Variants in B3GAT2 observed in about 807,000 individuals in gnomAD.
B3GAT2 encodes the protein galactosylgalactosylxylosylprotein 3-beta-glucuronosyltransferase 2.
Under a neutral mutation model 27.8 loss-of-function variants are expected in B3GAT2, and 26 were observed. The observed-to-expected ratio is 0.93, with a 90% CI of 0.68 to 1.30. B3GAT2 has a LOEUF of 1.30. B3GAT2 is among the 50% of genes most tolerant of loss of function. The pLI, the probability that B3GAT2 is intolerant of heterozygous loss-of-function variation, is 0.00. For missense variants in B3GAT2, 458 were observed against 459.0 expected (o/e 1.00, Z 0.02); for synonymous variants, 218 against 195.1 (o/e 1.12, Z -0.98).
chr6:70,879,189 T>TTTGTTG (rs35729327), intron 2 of B3GAT2, among the ~76,000 whole-genome samples: 7 of 151,748 alleles, frequency 4.6e-5, no homozygotes, highest in South Asian at 2.1e-4. Context: ...TGACTTTGTT[T>TTTGTTG]TTGTTGTTGT....
chr6:70,871,946 C>G (rs911439476), intron 2 of B3GAT2, among the ~76,000 whole-genome samples: 2 of 151,786 alleles, frequency 1.3e-5, no homozygotes, highest in African/African-American at 4.8e-5. Context: ...CTTGTGATTT[C>G]TTAACAAATT....
intron 1 of B3GAT2, among the ~76,000 whole-genome samples, chr6:70,899,558 A>G (rs1028023826): frequency 6.6e-6 from 1 of 152,152 alleles, no homozygotes; most frequent in African/African-American, 2.4e-5. Flanking sequence ...TACATTTTAA[A>G]AAGTTTGTCA....
At chr6:70,931,435 A>T (rs917232582) in intron 1 of B3GAT2, among the ~76,000 whole-genome samples, 5 of 152,280 alleles carry the variant, frequency 3.3e-5, no homozygotes, top group Non-Finnish European at 7.4e-5. Flanking sequence ...CCAGCTGTAC[A>T]TGTGTAAAGC....
intron 1 of B3GAT2, among the ~76,000 whole-genome samples, chr6:70,935,166 C>T (rs1308032128): frequency 6.6e-6 from 1 of 151,838 alleles, no homozygotes. Flanking sequence ...CCAAACGTGG[C>T]CAGGTGTGGT....
intron 1 of B3GAT2, among the ~76,000 whole-genome samples, chr6:70,922,671 T>C (rs967812107): frequency 6.6e-6 from 1 of 151,658 alleles, no homozygotes; most frequent in Non-Finnish European, 1.5e-5. Flanking sequence ...ACAAAAACAA[T>C]GCCTAGGGTG....
Position 70,879,897 on chromosome 6 carries a change from G to A in B3GAT2, c.736+14231C>T, listed in dbSNP as rs569601441. Among the ~76,000 whole-genome samples, 7 of 152,290 alleles carry A rather than the reference G, an allele frequency of 4.6e-5. 1 individual carries two copies. Among genetic ancestry groups the A allele is most frequent in the African/African-American group, 1.2e-4 (5 of 41,556 alleles). On this transcript the variant is annotated intron_variant, in intron 2 of 3. Coordinates refer to ENST00000230053, the MANE Select transcript of B3GAT2 (RefSeq NM_080742.3). The stretch of plus-strand genomic sequence containing the variant: ...AAGGAAAATAACTTGAGCGAGGCTC[G>A]GGGGTGGGGATGCCCAACCATGCAG...
intron 2 of B3GAT2, among the ~76,000 whole-genome samples, chr6:70,876,474 GAC>G (rs1358948172): frequency 1.3e-5 from 2 of 152,148 alleles, no homozygotes; most frequent in African/African-American, 4.8e-5. Flanking sequence ...CTATTAAAGT[GAC>G]TCAGGAAGGT....
intron 1 of B3GAT2, among the ~76,000 whole-genome samples, chr6:70,929,016 A>T (rs1025381776): frequency 1.3e-5 from 2 of 152,226 alleles, no homozygotes; most frequent in African/African-American, 4.8e-5. Context: ...TACACCATGG[A>T]ATACTATGCA....
At chr6:70,926,801 A>T (rs562076457) in intron 1 of B3GAT2, among the ~76,000 whole-genome samples, 1 of 152,340 alleles carries the variant, frequency 6.6e-6, no homozygotes, top group Admixed American at 6.5e-5. Flanking sequence ...GCAGGCCAAC[A>T]TTCAAATTCA....
At chr6:70,875,275 T>C (rs918555846) in intron 2 of B3GAT2, among the ~76,000 whole-genome samples, 1 of 152,034 alleles carries the variant, frequency 6.6e-6, no homozygotes, top group South Asian at 2.1e-4. Context: ...ACTTAACTAC[T>C]TTTTTTTCCC....
At chr6:70,892,456 G>C (rs1772305434) in intron 2 of B3GAT2, among the ~76,000 whole-genome samples, 1 of 152,214 alleles carries the variant, frequency 6.6e-6, no homozygotes, top group Non-Finnish European at 1.5e-5. Context: ...GAAATGGGCA[G>C]ACATCCCACG....
intron 1 of B3GAT2, among the ~76,000 whole-genome samples, chr6:70,944,443 G>A (rs967073073): frequency 7.2e-5 from 11 of 152,280 alleles, no homozygotes; most frequent in Admixed American, 3.9e-4. Flanking sequence ...TGGCGCCCAC[G>A]GAGTCTCGCT....
intron 1 of B3GAT2, among the ~76,000 whole-genome samples, chr6:70,903,861 GA>G (rs1772551730): frequency 6.6e-6 from 1 of 151,988 alleles, no homozygotes; most frequent in Admixed American, 6.6e-5. Context: ...TAAAAAACAT[GA>G]CACAGCAATT....
Position 70,930,251 on chromosome 6 carries a change from G to A in B3GAT2, c.591+25588C>T, listed in dbSNP as rs558633271. 2.6e-4 allele frequency among the ~76,000 whole-genome samples: 40 copies of A among 152,162 alleles called. No individual in the cohort carries two copies. The South Asian group carries it at 6.0e-3, about 23-fold the overall frequency. On this transcript the variant is annotated intron_variant, in intron 1 of 3. Coordinates refer to ENST00000230053, the MANE Select transcript of B3GAT2 (RefSeq NM_080742.3). ...AACCATAAGAACCCTAGAAGAAAAC[G>A]TAGGCTATACCATTCAGGTCATAGG...
At chr6:70,912,807 T>C (rs1772709354) in intron 1 of B3GAT2, among the ~76,000 whole-genome samples, 1 of 152,160 alleles carries the variant, frequency 6.6e-6, no homozygotes, top group Non-Finnish European at 1.5e-5. Flanking sequence ...GTCCAGGGCT[T>C]TTTTGGTTGG....
intron 2 of B3GAT2, among the ~76,000 whole-genome samples, chr6:70,889,704 C>T (rs773849250): frequency 2.6e-5 from 4 of 152,084 alleles, no homozygotes; most frequent in Non-Finnish European, 5.9e-5. Context: ...AACATCCTTT[C>T]AAATCCCTGT....
At chr6:70,941,474 C>A (rs1383063118) in intron 1 of B3GAT2, among the ~76,000 whole-genome samples, 1 of 152,122 alleles carries the variant, frequency 6.6e-6, no homozygotes. Flanking sequence ...CAGCCTCTCA[C>A]ACGTGTGAAG....
chr6:70,956,502 A>T lies in B3GAT2; in HGVS notation c.-73T>A. On this transcript the variant is annotated 5_prime_UTR_variant, in exon 1 of 4. Transcript: ENST00000230053. Reference sequence around the variant, plus strand: ...AGGGACCCCAGTGCGCAGCTTGGACAGCGGCGGCGCCAGCACTTAGGGAGT... The same window carrying T: ...AGGGACCCCAGTGCGCAGCTTGGACTGCGGCGGCGCCAGCACTTAGGGAGT... The T allele has an allele frequency of 6.5e-7, 1 of 1,543,110 alleles. No homozygotes were observed. Among genetic ancestry groups the T allele is most frequent in the South Asian group, 1.2e-5 (1 of 82,964 alleles).
At chr6:70,899,632 C>T (rs1210315235) in intron 1 of B3GAT2, among the ~76,000 whole-genome samples, 1 of 152,316 alleles carries the variant, frequency 6.6e-6, no homozygotes. Flanking sequence ...TGCTGAAATT[C>T]CATGCAGAAT....
Sources: allele counts gnomAD v4.1 joint callset (sites outside exome capture counted in the v4.1 genomes callset), GRCh38; gene constraint gnomAD v4.1.1; transcripts MANE v1.5; gene names NCBI Gene and HGNC (gene_info 2026-07-23, HGNC 2026-07-21).